AGMO: variants seen among roughly 807,000 people sequenced by gnomAD.
AGMO encodes the protein glyceryl-ether monooxygenase.
AGMO carries 75 observed loss-of-function variants against 60.2 expected under a neutral mutation model. The observed-to-expected ratio is 1.25, with a 90% confidence interval of 1.03 to 1.51. The LOEUF (loss-of-function observed/expected upper bound fraction) is 1.51, where lower values mean the gene tolerates loss of function less well. Ranked by LOEUF, AGMO falls within the 40% of genes most tolerant of loss-of-function variation. The pLI is 0.00. For missense variants in AGMO, 763 were observed against 525.5 expected (o/e 1.45, Z -4.42); for synonymous variants, 261 against 177.1 (o/e 1.47, Z -3.76).
intron 12 of AGMO, among the ~76,000 whole-genome samples, chr7:15,343,980 C>G (rs569385212): frequency 4.7e-4 from 71 of 152,166 alleles, no homozygotes; most frequent in African/African-American, 1.7e-3. Flanking sequence ...ATCCATAAAA[C>G]TAACTGGAAG....
intron 10 of AGMO, among the ~76,000 whole-genome samples, chr7:15,382,210 T>G (rs1783722224): frequency 6.6e-6 from 1 of 152,210 alleles, no homozygotes. Flanking sequence ...CAATACATTA[T>G]TCAATAATCT....
intron 12 of AGMO, among the ~76,000 whole-genome samples, chr7:15,297,316 CAA>C (rs1477849800): frequency 6.6e-6 from 1 of 152,092 alleles, no homozygotes; most frequent in Non-Finnish European, 1.5e-5. Context: ...TTCTAAAGGA[CAA>C]GAGTACATAA....
intron 12 of AGMO, among the ~76,000 whole-genome samples, chr7:15,225,981 A>T (rs1235365805): frequency 2.0e-5 from 3 of 152,004 alleles, no homozygotes. Flanking sequence ...TTGAAAAAAT[A>T]AAAGAGATAA....
At chr7:15,297,175 T>C (rs1422090896) in intron 12 of AGMO, among the ~76,000 whole-genome samples, 1 of 152,116 alleles carries the variant, frequency 6.6e-6, no homozygotes, top group African/African-American at 2.4e-5. Flanking sequence ...AACCCTTTCT[T>C]AGCTGTTTTA....
intron 12 of AGMO, among the ~76,000 whole-genome samples, chr7:15,272,691 T>C (rs570728989): frequency 6.6e-6 from 1 of 152,170 alleles, no homozygotes; most frequent in Non-Finnish European, 1.5e-5. Flanking sequence ...TCTAGATTCT[T>C]GAGGAATCGC....
chr7:15,440,668 G>A (rs1051301224), intron 3 of AGMO, among the ~76,000 whole-genome samples: 4 of 152,182 alleles, frequency 2.6e-5, no homozygotes, highest in Non-Finnish European at 5.9e-5. Flanking sequence ...TGAGAGCCGA[G>A]AGAGCTCCAC....
At chr7:15,271,783 G>C (rs943700819) in intron 12 of AGMO, among the ~76,000 whole-genome samples, 2 of 152,218 alleles carry the variant, frequency 1.3e-5, no homozygotes, top group Admixed American at 1.3e-4. Context: ...TCCCCATTCA[G>C]TGTGATGTTG....
chr7:15,417,561 G>A (rs62439282), intron 5 of AGMO, among the ~76,000 whole-genome samples: 12,565 of 152,106 alleles, frequency 0.083, 847 homozygotes, highest in African/African-American at 0.18. Context: ...AGAATTGGCC[G>A]CAACATCTCT....
rs755323959 is a variant in AGMO at position 15,387,544 on chromosome 7, G to C, written c.823-4C>G. On this transcript the variant is annotated splice_polypyrimidine_tract_variant and splice_region_variant and intron_variant, in intron 8 of 12. Coordinates refer to ENST00000342526, the MANE Select transcript of AGMO (RefSeq NM_001004320.2). ...ATATGGAAAATAAGTGATGGAACTA[G>C]AAACAATAAAAAAAGAGCTTATTTC... The C allele has an allele frequency of 1.2e-5, 19 of 1,586,642 alleles. No homozygotes were observed. Among genetic ancestry groups the C allele is most frequent in the East Asian group, 4.5e-5 (2 of 44,760 alleles).
chr7:15,455,085 A>T (rs1289394727), intron 3 of AGMO, among the ~76,000 whole-genome samples: 14 of 108,682 alleles, frequency 1.3e-4, no homozygotes, highest in Admixed American at 4.2e-4. Context: ...TCTTTCTCAC[A>T]CACACACACA....
At chr7:15,441,348 G>T (rs1175686157) in intron 3 of AGMO, among the ~76,000 whole-genome samples, 1 of 152,154 alleles carries the variant, frequency 6.6e-6, no homozygotes, top group East Asian at 1.9e-4. Flanking sequence ...TATGTTGCAT[G>T]AAAATCTTTT....
intron 10 of AGMO, among the ~76,000 whole-genome samples, chr7:15,372,827 G>A (rs999880247): frequency 2.6e-5 from 4 of 152,136 alleles, no homozygotes; most frequent in Admixed American, 6.6e-5. Flanking sequence ...CTGTCCTAAA[G>A]TGCTAAATTG....
the AGMO span, among the ~76,000 whole-genome samples, chr7:15,128,760 T>A: frequency 9.9e-5 from 15 of 152,086 alleles, no homozygotes; most frequent in African/African-American, 3.4e-4. Context: ...ATCTAAAATC[T>A]TATGAATATG....
At chr7:15,530,429 T>C (rs959470826) in intron 3 of AGMO, among the ~76,000 whole-genome samples, 2 of 132,332 alleles carry the variant, frequency 1.5e-5, no homozygotes, top group African/African-American at 5.7e-5. Flanking sequence ...TAAATACGTA[T>C]TTCTATATAT....
chr7:15,269,142 C>G (rs1783521036), intron 12 of AGMO, among the ~76,000 whole-genome samples: 1 of 152,038 alleles, frequency 6.6e-6, no homozygotes, highest in African/African-American at 2.4e-5. Flanking sequence ...GCAGAAATTA[C>G]TAAAAGTGGT....
intron 12 of AGMO, among the ~76,000 whole-genome samples, chr7:15,232,801 GCACACACA>G (rs71004371): frequency 6.8e-6 from 1 of 147,024 alleles, no homozygotes; most frequent in Non-Finnish European, 1.5e-5. Flanking sequence ...ACACACACAC[GCACACACA>G]CACACACACA....
chr7:15,317,967 T>C (rs4256499), intron 12 of AGMO, among the ~76,000 whole-genome samples: 62,070 of 144,640 alleles, frequency 0.43, 13,487 homozygotes, highest in Admixed American at 0.52. Flanking sequence ...TATATATATA[T>C]ACACACACAC....
chr7:15,187,168 C>G, the AGMO span, among the ~76,000 whole-genome samples: 1 of 152,162 alleles, frequency 6.6e-6, no homozygotes. Flanking sequence ...AGAATTGTGT[C>G]TATGTTTCTT....
intron 12 of AGMO, among the ~76,000 whole-genome samples, chr7:15,277,334 T>G (rs1783828883): frequency 6.8e-6 from 1 of 147,356 alleles, no homozygotes; most frequent in Admixed American, 7.0e-5. Context: ...AATAAATAAA[T>G]AAATAAATAA....
Sources: gnomAD v4.1 joint callset for allele counts (sites outside exome capture counted in the v4.1 genomes callset) on GRCh38, gnomAD v4.1.1 for gene constraint, MANE v1.5 for transcripts, NCBI Gene and HGNC (gene_info 2026-07-23, HGNC 2026-07-21) for gene names.